LRRTM4: variants seen among roughly 807,000 people sequenced by gnomAD.
LRRTM4 encodes leucine rich repeat transmembrane neuronal 4.
In LRRTM4, 25 loss-of-function variants were observed where a neutral mutation model predicts 47.6. The observed-to-expected ratio is 0.53, with a 90% CI of 0.38 to 0.73. The LOEUF (loss-of-function observed/expected upper bound fraction) is 0.73, where lower values mean the gene tolerates loss of function less well. LRRTM4 is among the 30% of genes least tolerant of loss of function. The probability of loss-of-function intolerance (pLI) is 0.00; values close to 1 mark genes in which losing one functional copy is unlikely to be tolerated. For missense variants in LRRTM4, 638 were observed against 713.4 expected (o/e 0.89, Z 1.20); for synonymous variants, 311 against 269.5 (o/e 1.15, Z -1.51).
At chr2:76,795,210 G>T (rs1675209325) in intron 3 of LRRTM4, among the ~76,000 whole-genome samples, 1 of 151,916 alleles carries the variant, frequency 6.6e-6, no homozygotes, top group Non-Finnish European at 1.5e-5. Context: ...AATAACCAAA[G>T]AAATTAAATT....
intron 3 of LRRTM4, among the ~76,000 whole-genome samples, chr2:77,173,038 C>T (rs1317716239): frequency 2.0e-5 from 3 of 152,138 alleles, no homozygotes; most frequent in Non-Finnish European, 4.4e-5. Flanking sequence ...CAATAATCAG[C>T]TGCCAATGAT....
At chr2:76,795,730 G>C (rs1675263875) in intron 3 of LRRTM4, among the ~76,000 whole-genome samples, 2 of 152,018 alleles carry the variant, frequency 1.3e-5, no homozygotes, top group South Asian at 2.1e-4. Flanking sequence ...GTTTCCTTTG[G>C]ATACTCATTT....
At chr2:77,123,842 G>A (rs2103960902) in intron 3 of LRRTM4, among the ~76,000 whole-genome samples, 1 of 152,152 alleles carries the variant, frequency 6.6e-6, no homozygotes, top group Non-Finnish European at 1.5e-5. Context: ...ATTATCCTTG[G>A]CCTTGACAGT....
At chr2:76,865,631 A>T (rs1453777011) in intron 3 of LRRTM4, among the ~76,000 whole-genome samples, 2 of 152,148 alleles carry the variant, frequency 1.3e-5, no homozygotes. Context: ...TCCTTCCTAT[A>T]ATTCCTAAGA....
At chr2:77,196,461 C>T (rs184191821) in intron 3 of LRRTM4, among the ~76,000 whole-genome samples, 12 of 152,296 alleles carry the variant, frequency 7.9e-5, no homozygotes, top group Admixed American at 6.5e-4. Flanking sequence ...AGGCAGTTCA[C>T]CATGGCTCAT....
intron 3 of LRRTM4, among the ~76,000 whole-genome samples, chr2:77,117,682 T>C (rs1262210722): frequency 6.6e-6 from 1 of 151,976 alleles, no homozygotes; most frequent in Admixed American, 6.6e-5. Flanking sequence ...GATTTAATTT[T>C]TTTAAGGTTT....
At chr2:76,781,339 C>T (rs1459081302) in intron 3 of LRRTM4, among the ~76,000 whole-genome samples, 1 of 151,288 alleles carries the variant, frequency 6.6e-6, no homozygotes, top group Admixed American at 6.6e-5. Context: ...ATGGCGGGCA[C>T]CCCTCCCCCA....
At chr2:76,834,867 G>A (rs1322007299) in intron 3 of LRRTM4, among the ~76,000 whole-genome samples, 1 of 152,110 alleles carries the variant, frequency 6.6e-6, no homozygotes, top group Non-Finnish European at 1.5e-5. Flanking sequence ...GTGAAATTTT[G>A]TAGACCATGA....
At chr2:76,800,223 C>T (rs1675588618) in intron 3 of LRRTM4, among the ~76,000 whole-genome samples, 1 of 147,896 alleles carries the variant, frequency 6.8e-6, no homozygotes, top group Admixed American at 6.8e-5. Flanking sequence ...CGACAGTGAC[C>T]AAAACAGCAT....
intron 3 of LRRTM4, among the ~76,000 whole-genome samples, chr2:77,020,460 C>T (rs915407908): frequency 4.6e-5 from 7 of 152,096 alleles, no homozygotes; most frequent in African/African-American, 1.7e-4. Flanking sequence ...CAGATCCCAT[C>T]AGCTACACAA....
intron 3 of LRRTM4, among the ~76,000 whole-genome samples, chr2:76,934,073 T>C (rs995026976): frequency 2.0e-5 from 3 of 152,120 alleles, no homozygotes; most frequent in Non-Finnish European, 4.4e-5. Context: ...GTACTCCAGC[T>C]CTCAAAGCAG....
chr2:77,174,944 G>A (rs1217410475), intron 3 of LRRTM4, among the ~76,000 whole-genome samples: 2 of 152,120 alleles, frequency 1.3e-5, no homozygotes, highest in South Asian at 4.1e-4. Context: ...CACTAGAGCA[G>A]GGAAGTACAT....
intron 3 of LRRTM4, among the ~76,000 whole-genome samples, chr2:77,132,044 CATT>C (rs1671816087): frequency 6.6e-6 from 1 of 152,118 alleles, no homozygotes; most frequent in South Asian, 2.1e-4. Flanking sequence ...ATACGTGTTA[CATT>C]ATTGTTAATT....
intron 3 of LRRTM4, among the ~76,000 whole-genome samples, chr2:77,307,858 C>A (rs1338466275): frequency 1.8e-4 from 5 of 28,288 alleles, no homozygotes; most frequent in Non-Finnish European, 1.9e-4. Flanking sequence ...ATAGATATAT[C>A]TATATATTAT....
At chr2:76,789,545 T>G (rs1674856339) in intron 3 of LRRTM4, among the ~76,000 whole-genome samples, 1 of 152,248 alleles carries the variant, frequency 6.6e-6, no homozygotes, top group Admixed American at 6.5e-5. Context: ...TGAGGTCCTG[T>G]GGCACCAGCC....
chr2:76,754,956 T>C (rs115486039), intron 3 of LRRTM4, among the ~76,000 whole-genome samples: 5 of 152,170 alleles, frequency 3.3e-5, no homozygotes, highest in Admixed American at 6.5e-5. Flanking sequence ...CCTAGATATG[T>C]AGAATTGCTC....
At chr2:77,207,490 C>A (rs1674168327) in intron 3 of LRRTM4, among the ~76,000 whole-genome samples, 1 of 151,532 alleles carries the variant, frequency 6.6e-6, no homozygotes, top group Non-Finnish European at 1.5e-5. Flanking sequence ...AGCATGTCAT[C>A]AGAGTGAGCT....
At chr2:76,780,171 C>A (rs1441689853) in intron 3 of LRRTM4, among the ~76,000 whole-genome samples, 3 of 152,154 alleles carry the variant, frequency 2.0e-5, no homozygotes, top group African/African-American at 7.2e-5. Context: ...GTAACCCGAC[C>A]TTTCTCTCTG....
intron 3 of LRRTM4, among the ~76,000 whole-genome samples, chr2:76,928,213 T>G (rs1198970218): frequency 6.6e-6 from 1 of 152,210 alleles, no homozygotes; most frequent in Non-Finnish European, 1.5e-5. Context: ...TATCTGATGT[T>G]TAAAATCCTT....
Sources: gnomAD v4.1 joint callset for allele counts (sites outside exome capture counted in the v4.1 genomes callset) on GRCh38, gnomAD v4.1.1 for gene constraint, MANE v1.5 for transcripts, NCBI Gene and HGNC (gene_info 2026-07-23, HGNC 2026-07-21) for gene names.